The following NUGGC variants were observed in gnomAD, a reference collection of about 807,000 sequenced individuals.
NUGGC encodes nuclear GTPase, germinal center associated, also known as nuclear GTPase SLIP-GC.
Under a neutral mutation model 92.6 loss-of-function variants are expected in NUGGC, and 58 were observed. The ratio of observed to expected loss-of-function variants is 0.63; its 90% CI spans 0.51 to 0.78. NUGGC has a LOEUF of 0.78. Ranked by LOEUF, NUGGC falls within the 30% of genes least tolerant of loss-of-function variation. NUGGC has a pLI of 0.00. For synonymous variants in NUGGC, 376 were observed against 366.4 expected (o/e 1.03, Z -0.30); for missense variants, 925 against 964.6 (o/e 0.96, Z 0.54).
chr8:28,073,939 C>T (rs1332240636), intron 2 of NUGGC, among the ~76,000 whole-genome samples: 2 of 152,106 alleles, frequency 1.3e-5, no homozygotes, highest in African/African-American at 2.4e-5. Context: ...TCTGGGACTA[C>T]AGGCACACAC....
intron 1 of NUGGC, among the ~76,000 whole-genome samples, chr8:28,075,605 C>T (rs528404998): frequency 6.6e-6 from 1 of 152,272 alleles, no homozygotes; most frequent in African/African-American, 2.4e-5. Flanking sequence ...GAGTCACCAG[C>T]CCTTCTGAAA....
chr8:28,039,002 G>C (rs17058498), intron 13 of NUGGC, among the ~76,000 whole-genome samples: 2 of 152,052 alleles, frequency 1.3e-5, no homozygotes, highest in Non-Finnish European at 2.9e-5. Flanking sequence ...GCACGCATGC[G>C]TACATACTAC....
At chr8:28,071,193 T>A in intron 2 of NUGGC, among the ~76,000 whole-genome samples, 1 of 152,140 alleles carries the variant, frequency 6.6e-6, no homozygotes, top group East Asian at 1.9e-4. Flanking sequence ...GAAGCCAAAG[T>A]GGCTGGACAT....
intron 13 of NUGGC, among the ~76,000 whole-genome samples, chr8:28,039,791 C>A (rs973366130): frequency 4.6e-5 from 7 of 152,204 alleles, no homozygotes; most frequent in Non-Finnish European, 1.0e-4. Flanking sequence ...TGTTGTCCAT[C>A]ACATCTTCCC....
intron 1 of NUGGC, among the ~76,000 whole-genome samples, chr8:28,076,113 C>G (rs190378935): frequency 1.3e-5 from 2 of 152,326 alleles, no homozygotes; most frequent in African/African-American, 4.8e-5. Context: ...GCTGTGCTTA[C>G]GTCTGTTCCT....
chr8:28,037,117 G>C lies in NUGGC; in HGVS notation c.1612-3420C>G, dbSNP rs185701624. ...CGATTCCTCGTTTATCCAGCTACCC[G>C]CCACTCGCTCACCAACTCCCCTCAG... On this transcript the variant is annotated intron_variant, in intron 13 of 18. Transcript: ENST00000413272. 2.9e-3 allele frequency among the ~76,000 whole-genome samples: 435 copies of C among 152,144 alleles called. 1 individual carries two copies. The highest frequency in any genetic ancestry group is 5.6e-3 in the Admixed American group (85 of 15,276).
intron 10 of NUGGC, among the ~76,000 whole-genome samples, chr8:28,050,383 T>TG (rs1554487276): frequency 2.1e-5 from 3 of 145,716 alleles, no homozygotes; most frequent in African/African-American, 7.6e-5. Context: ...AAAACTCTGT[T>TG]AAAAAAAAAG....
rs116594132 is a variant in NUGGC, at chr8:28,077,370, A to G, written c.-46-2914T>C. On this transcript the variant is annotated intron_variant, in intron 1 of 18. Transcript: ENST00000413272. ...CCTGGAGTTTGAGACCAGCCTGGGC[A>G]ATCAAGTGAGACCTTGACACTACCA... Among the ~76,000 whole-genome samples the G allele has an allele frequency of 7.2e-3, 1,093 of 151,016 alleles. 18 individuals carry two copies. Among genetic ancestry groups the G allele is most frequent in the African/African-American group, 0.025 (1,019 of 41,112 alleles).
intron 11 of NUGGC, 151 bp downstream of exon 11, chr8:28,047,356 G>GA: frequency 1.7e-6 from 1 of 583,192 alleles, no homozygotes; most frequent in Non-Finnish European, 3.0e-6. Context: ...ATGCAGAGAG[G>GA]AAAATATCCT....
At position 28,056,058 on chromosome 8, in the gene NUGGC, G is replaced by C. The variant is rs778937047; in HGVS notation, c.1117-4C>G. 1.2e-5 allele frequency: 18 copies of C among 1,519,276 alleles called. No individual in the cohort carries two copies. In the Admixed American group the frequency reaches 3.3e-4, roughly 28 times the overall value. The allele number at this position is 1,519,276 out of a possible 1,614,324, so 94.1% of individuals were successfully genotyped here. ...CTCGCTGACTCTGAATAGCTTGCTA[G>C]GTTGTGAAAGGAAATAGAAGCATGC... On this transcript the variant is annotated splice_region_variant and splice_polypyrimidine_tract_variant and intron_variant, in intron 9 of 18. Transcript: ENST00000413272.
chr8:28,023,706 T>C (rs1162690948), intron 18 of NUGGC, among the ~76,000 whole-genome samples: 1 of 152,162 alleles, frequency 6.6e-6, no homozygotes, highest in Non-Finnish European at 1.5e-5. Context: ...TGGGTCTGTA[T>C]TAAGGCTTCA....
chr8:28,060,722 G>A (rs949110315), intron 7 of NUGGC, 121 bp from the exon 8 acceptor site: 6 of 723,622 alleles, frequency 8.3e-6, no homozygotes, highest in Non-Finnish European at 1.3e-5. Context: ...GCTCCCCACC[G>A]CACTCTGTGC....
chr8:28,076,057 C>G (rs76365490), intron 1 of NUGGC, among the ~76,000 whole-genome samples: 2 of 152,172 alleles, frequency 1.3e-5, no homozygotes, highest in Non-Finnish European at 2.9e-5. Context: ...TCATTCCCCC[C>G]GTGTGTCCCC....
At chr8:28,082,211 A>G (rs1810868550) in intron 1 of NUGGC, among the ~76,000 whole-genome samples, 1 of 152,208 alleles carries the variant, frequency 6.6e-6, no homozygotes, top group Non-Finnish European at 1.5e-5. Context: ...GCATTAACAC[A>G]TCGGCTAATG....
chr8:28,081,883 A>G (rs1202134151), intron 1 of NUGGC, among the ~76,000 whole-genome samples: 1 of 152,080 alleles, frequency 6.6e-6, no homozygotes, highest in Non-Finnish European at 1.5e-5. Flanking sequence ...ATCTCAAAAA[A>G]AAAAAAAACA....
rs1038995008 is a variant in NUGGC at position 28,059,830 on chromosome 8, C to T, written c.1097+596G>A. Among the ~76,000 whole-genome samples the T allele has an allele frequency of 3.9e-5, 6 of 152,096 alleles. No homozygotes were observed. In the South Asian group the frequency reaches 6.2e-4, roughly 16 times the overall value. ...TGAGGTCCGGAGTTCAAGACCACCC[C>T]GGCCAACATGGCGAAACCCCATCTC... On this transcript the variant is annotated intron_variant, in intron 8 of 18. Transcript: ENST00000413272.
intron 4 of NUGGC, among the ~76,000 whole-genome samples, chr8:28,068,642 T>C (rs964617318): frequency 6.6e-6 from 1 of 152,202 alleles, no homozygotes; most frequent in Non-Finnish European, 1.5e-5. Flanking sequence ...TATGTAAAAA[T>C]ATTTGGTAAT....
At chr8:28,065,496 T>C (rs1180323186) in intron 6 of NUGGC, among the ~76,000 whole-genome samples, 1 of 152,190 alleles carries the variant, frequency 6.6e-6, no homozygotes, top group Non-Finnish European at 1.5e-5. Flanking sequence ...AAAATTTATC[T>C]TCTGATTACA....
intron 2 of NUGGC, among the ~76,000 whole-genome samples, chr8:28,073,049 C>T (rs1810628969): frequency 1.3e-5 from 2 of 151,010 alleles, no homozygotes; most frequent in Non-Finnish European, 2.9e-5. Flanking sequence ...CTCGCCCAGG[C>T]TGGAGTGCAA....
Sources: gnomAD v4.1 joint callset for allele counts (sites outside exome capture counted in the v4.1 genomes callset) on GRCh38, gnomAD v4.1.1 for gene constraint, MANE v1.5 for transcripts, NCBI Gene and HGNC (gene_info 2026-07-23, HGNC 2026-07-21) for gene names.